The following ESRRG variants were observed in gnomAD, a reference collection of about 807,000 sequenced individuals.
ESRRG encodes estrogen-related receptor gamma.
ESRRG carries 13 observed loss-of-function variants against 44.0 expected under a neutral mutation model. The observed-to-expected ratio is 0.30, with a 90% CI of 0.19 to 0.47. ESRRG has a LOEUF of 0.47. ESRRG is among the 20% of genes least tolerant of loss of function. ESRRG has a pLI of 1.00. For synonymous variants in ESRRG, 215 were observed against 214.6 expected (o/e 1.00, Z -0.02); for missense variants, 395 against 580.6 (o/e 0.68, Z 3.29).
chr1:216,645,816 G>A (rs574751900), intron 3 of ESRRG, among the ~76,000 whole-genome samples: 11 of 143,302 alleles, frequency 7.7e-5, no homozygotes, highest in Non-Finnish European at 1.5e-4. Context: ...AGGCTGCAGT[G>A]AGCCAAGATC....
In ESRRG at chr1:216,910,525, T is replaced by A. The variant is rs115962053; in HGVS notation, c.-14+29057A>T. Among the ~76,000 whole-genome samples the A allele has an allele frequency of 4.0e-3, 614 of 152,340 alleles. 6 individuals are homozygous for A. Among genetic ancestry groups the A allele is most frequent in the African/African-American group, 0.015 (603 of 41,578 alleles). ...CTTTCACTATATTTTCATAAAAGCC[T>A]TGACCTTACAAAAGCAATTCACATT... On this transcript the variant is annotated intron_variant, in intron 2 of 7. Coordinates refer to the ESRRG transcript ENST00000359162.
chr1:217,120,981 G>C (rs931624034), intron 1 of ESRRG, among the ~76,000 whole-genome samples: 1 of 152,208 alleles, frequency 6.6e-6, no homozygotes, highest in Non-Finnish European at 1.5e-5. Context: ...GCATGGCACA[G>C]TGCCTACAGA....
At chr1:216,831,867 C>T (rs1291045963) in intron 2 of ESRRG, among the ~76,000 whole-genome samples, 1 of 152,072 alleles carries the variant, frequency 6.6e-6, no homozygotes, top group Non-Finnish European at 1.5e-5. Flanking sequence ...TCACTGGGCA[C>T]TTACATGTAA....
At chr1:217,053,019 C>T (rs940972645) in intron 1 of ESRRG, among the ~76,000 whole-genome samples, 2 of 151,532 alleles carry the variant, frequency 1.3e-5, no homozygotes, top group Non-Finnish European at 1.5e-5. Flanking sequence ...ATTGCATATC[C>T]TTTACCAGGC....
At chr1:216,638,092 C>T (rs932506823) in intron 3 of ESRRG, among the ~76,000 whole-genome samples, 4 of 152,100 alleles carry the variant, frequency 2.6e-5, no homozygotes, top group African/African-American at 4.8e-5. Flanking sequence ...AAAATACAAA[C>T]AGTTCCTGTT....
intron 3 of ESRRG, among the ~76,000 whole-genome samples, chr1:216,621,534 T>C (rs2150481447): frequency 6.6e-6 from 1 of 152,326 alleles, no homozygotes; most frequent in South Asian, 2.1e-4. Flanking sequence ...TTCCTTCTGA[T>C]ACTCCTCATC....
chr1:217,056,675 G>A (rs2087162961), intron 1 of ESRRG, among the ~76,000 whole-genome samples: 1 of 150,856 alleles, frequency 6.6e-6, no homozygotes, highest in African/African-American at 2.4e-5. Flanking sequence ...GGCCATGACG[G>A]CAGCATAGTT....
intron 2 of ESRRG, among the ~76,000 whole-genome samples, chr1:216,904,208 C>CT (rs1372249054): frequency 6.6e-6 from 1 of 151,406 alleles, no homozygotes; most frequent in Non-Finnish European, 1.5e-5. Context: ...ATCATCACCC[C>CT]CCCCAACTGA....
intron 2 of ESRRG, among the ~76,000 whole-genome samples, chr1:216,838,914 G>A (rs1291773509): frequency 6.6e-6 from 1 of 152,176 alleles, no homozygotes; most frequent in East Asian, 1.9e-4. Context: ...GTTGATGGCT[G>A]CTGATTGATT....
intron 3 of ESRRG, among the ~76,000 whole-genome samples, chr1:216,645,385 A>C (rs2067321288): frequency 1.3e-5 from 2 of 152,068 alleles, no homozygotes; most frequent in Non-Finnish European, 2.9e-5. Context: ...TCTTGGTGTC[A>C]TATATTGGAA....
At chr1:216,558,480 T>G (rs921504125) in intron 5 of ESRRG, among the ~76,000 whole-genome samples, 3 of 152,184 alleles carry the variant, frequency 2.0e-5, no homozygotes, top group Non-Finnish European at 2.9e-5. Flanking sequence ...TGTTCTGAAT[T>G]TTTATAAATT....
At chr1:216,634,133 G>A (rs915373756) in intron 3 of ESRRG, among the ~76,000 whole-genome samples, 13 of 152,068 alleles carry the variant, frequency 8.5e-5, no homozygotes, top group African/African-American at 2.7e-4. Flanking sequence ...CCTTTTCCAC[G>A]CTCAGCCCAG....
At chr1:216,785,388 C>T (rs2147967977) in intron 2 of ESRRG, among the ~76,000 whole-genome samples, 1 of 151,966 alleles carries the variant, frequency 6.6e-6, no homozygotes, top group South Asian at 2.1e-4. Context: ...CAGCTTGCAC[C>T]ATCAGCAAAA....
chr1:216,675,519 C>T (rs1269851698), intron 2 of ESRRG, among the ~76,000 whole-genome samples: 1 of 152,118 alleles, frequency 6.6e-6, no homozygotes, highest in Admixed American at 6.5e-5. Context: ...ATTATGAAGG[C>T]TCCACATAAA....
At chr1:216,672,594 A>T (rs1487527632) in intron 2 of ESRRG, among the ~76,000 whole-genome samples, 2 of 152,210 alleles carry the variant, frequency 1.3e-5, no homozygotes, top group African/African-American at 2.4e-5. Flanking sequence ...AATAAGAAGT[A>T]AGATGGCTCA....
At chr1:216,724,405 C>A (rs2087053181), upstream of ESRRG, among the ~76,000 whole-genome samples, 1 of 147,480 alleles carries the variant, frequency 6.8e-6, no homozygotes. Flanking sequence ...AAACAGTGCA[C>A]TAAAAGTATT....
intron 1 of ESRRG, among the ~76,000 whole-genome samples, chr1:216,722,075 T>A (rs1045004947): frequency 1.1e-4 from 17 of 152,208 alleles, no homozygotes; most frequent in Admixed American, 1.0e-3. Context: ...ACTTTTCATC[T>A]CTTACTTAAT....
chr1:217,082,667 C>T (rs562131054), intron 1 of ESRRG, among the ~76,000 whole-genome samples: 1 of 151,556 alleles, frequency 6.6e-6, no homozygotes, highest in African/African-American at 2.4e-5. Flanking sequence ...TCACCCCCAC[C>T]CCACACACAC....
intron 3 of ESRRG, among the ~76,000 whole-genome samples, chr1:216,569,237 G>GAAAGGAAAGA (rs1558553237): frequency 2.4e-5 from 3 of 124,204 alleles, no homozygotes; most frequent in East Asian, 2.3e-4. Context: ...GAAAGGAAAG[G>GAAAGGAAAGA]AAAGGAAAGG....
Sources: gnomAD v4.1 joint callset for allele counts (sites outside exome capture counted in the v4.1 genomes callset) on GRCh38, gnomAD v4.1.1 for gene constraint, MANE v1.5 for transcripts, NCBI Gene and HGNC (gene_info 2026-07-23, HGNC 2026-07-21) for gene names.